The following DRC1 variants were observed in gnomAD, a reference collection of about 807,000 sequenced individuals.
DRC1 encodes the protein dynein regulatory complex protein 1.
DRC1 carries 74 observed loss-of-function variants against 98.7 expected under a neutral mutation model. The ratio of observed to expected loss-of-function variants is 0.75; its 90% CI spans 0.62 to 0.91. DRC1 has a LOEUF of 0.91. DRC1 is among the 40% of genes least tolerant of loss of function. The probability of loss-of-function intolerance (pLI) is 0.00; values close to 1 mark genes in which losing one functional copy is unlikely to be tolerated. For missense variants in DRC1, 875 were observed against 886.0 expected (o/e 0.99, Z 0.16); for synonymous variants, 336 against 334.1 (o/e 1.01, Z -0.06).
At chr2:26,435,396 C>T in intron 7 of DRC1, among the ~76,000 whole-genome samples, 1 of 152,198 alleles carries the variant, frequency 6.6e-6, no homozygotes, top group East Asian at 1.9e-4. Flanking sequence ...TAAGCACAGA[C>T]ATTTAACAAA....
chr2:26,431,877 C>T lies in DRC1; in HGVS notation c.766-7C>T, dbSNP rs373980754. On this transcript the variant is annotated splice_polypyrimidine_tract_variant and splice_region_variant and intron_variant, in intron 6 of 16. Transcript: ENST00000288710. ...CTAACTTTTCCCTTGTCTTCCTGTGCCTTTAGCTGGAGTATCTTAACAACC... is the reference window on the plus strand; with the variant it reads ...CTAACTTTTCCCTTGTCTTCCTGTGTCTTTAGCTGGAGTATCTTAACAACC... The T allele has an allele frequency of 8.1e-6, 13 of 1,613,318 alleles. No individual in the cohort carries two copies. The highest frequency in any genetic ancestry group is 1.1e-5 in the Non-Finnish European group (13 of 1,179,566).
chr2:26,431,606 C>A (rs186780679), intron 6 of DRC1, among the ~76,000 whole-genome samples: 2 of 151,310 alleles, frequency 1.3e-5, no homozygotes, highest in Non-Finnish European at 2.9e-5. Context: ...TGCGTAATTT[C>A]TTTTCTTTTT....
At chr2:26,427,793 T>C (rs967142064) in intron 4 of DRC1, among the ~76,000 whole-genome samples, 1 of 152,208 alleles carries the variant, frequency 6.6e-6, no homozygotes, top group African/African-American at 2.4e-5. Context: ...TTGTTTTAAT[T>C]TTTAGCTCCC....
At chr2:26,446,661 C>T (rs554394677) in intron 10 of DRC1, among the ~76,000 whole-genome samples, 56 of 152,252 alleles carry the variant, frequency 3.7e-4, no homozygotes, top group African/African-American at 1.3e-3. Context: ...CCCCACAGCA[C>T]CACAGAACTG....
intron 10 of DRC1, among the ~76,000 whole-genome samples, chr2:26,447,870 G>T (rs1004569055): frequency 6.6e-6 from 1 of 151,286 alleles, no homozygotes; most frequent in African/African-American, 2.4e-5. Flanking sequence ...CCTGGCCTAA[G>T]AAGTTAATTT....
In DRC1 at chr2:26,454,454, G is replaced by C. The variant is rs1012105468; in HGVS notation, c.1920-193G>C. Among the ~76,000 whole-genome samples, 5 of 152,184 alleles carry C rather than the reference G, an allele frequency of 3.3e-5. No homozygotes were observed. Among genetic ancestry groups the C allele is most frequent in the Non-Finnish European group, 7.3e-5 (5 of 68,040 alleles). On this transcript the variant is annotated intron_variant, in intron 14 of 16. Transcript: ENST00000288710. This position sits in a 1 kb window ranked among gnomAD's most constrained non-coding sequence, Gnocchi z 5.2. ...AAGCACGGATTATGCCCTCACGAAG[G>C]TACCGGTGGTACCGAGGCAGGAACG...
chr2:26,422,654 G>A (rs955518646), intron 3 of DRC1, among the ~76,000 whole-genome samples: 3 of 152,176 alleles, frequency 2.0e-5, no homozygotes, highest in Non-Finnish European at 4.4e-5. Flanking sequence ...GGTGGCCCAC[G>A]CATGTAATCC....
Position 26,454,882 on chromosome 2 carries a change from C to G in DRC1, c.2063+92C>G, listed in dbSNP as rs369779124. Reference sequence around the variant, plus strand: ...CCGCGTTTGCTGCCTCCCTGTCCCACTGAACCTGGGAGGGAAGAGCTGCCC... The same window carrying G: ...CCGCGTTTGCTGCCTCCCTGTCCCAGTGAACCTGGGAGGGAAGAGCTGCCC... On this transcript the variant is annotated intron_variant, in intron 15 of 16. Transcript: ENST00000288710. The surrounding 1 kb of genome is among the most constrained non-coding windows in gnomAD (Gnocchi z 5.2). 1.6e-4 allele frequency: 259 copies of G among 1,578,194 alleles called. 1 individual carries two copies. In the African/African-American group the frequency reaches 3.2e-3, roughly 19 times the overall value.
At chr2:26,421,590 C>G (rs1466778858) in intron 3 of DRC1, among the ~76,000 whole-genome samples, 190 bp downstream of exon 3, 1 of 118,018 alleles carries the variant, frequency 8.5e-6, no homozygotes, top group African/African-American at 3.1e-5. Context: ...GACAGAGTTT[C>G]GCTCTTGTTG....
chr2:26,426,405 C>T lies in DRC1; in HGVS notation c.540+1951C>T, dbSNP rs532769406. Among the ~76,000 whole-genome samples, 18 of 147,582 alleles carry T rather than the reference C, an allele frequency of 1.2e-4. No homozygotes were observed. In the East Asian group the frequency reaches 3.6e-3, roughly 29 times the overall value. On this transcript the variant is annotated intron_variant, in intron 4 of 16. Coordinates refer to ENST00000288710, the MANE Select transcript of DRC1 (RefSeq NM_145038.5). ...TTTTTGAGACTGAGTCTTGCTCTGT[C>T]GCCCAGGCTGGAGTGCAGTGGTTTG...
chr2:26,406,813 CT>C lies in DRC1; in HGVS notation c.155+4691del, dbSNP rs5830010. ...GACATTTCTGGGAGATGTCACTTTC[CT>C]TTTTTTTTTTTTTTTTTTTTTGAGA... On this transcript the variant is annotated intron_variant, in intron 1 of 16. Coordinates refer to ENST00000288710, the MANE Select transcript of DRC1 (RefSeq NM_145038.5). 3.8e-3 allele frequency among the ~76,000 whole-genome samples: 388 copies of C among 101,594 alleles called. 2 individuals carry two copies. The highest frequency in any genetic ancestry group is 6.2e-3 in the Middle Eastern group (1 of 162). 66.6% of individuals were successfully genotyped at this position (101,594 alleles called of 152,430 possible).
chr2:26,456,570 G>T lies in DRC1; in HGVS notation c.*53G>T. On this transcript the variant is annotated 3_prime_UTR_variant, in exon 17 of 17. Coordinates refer to ENST00000288710, the MANE Select transcript of DRC1 (RefSeq NM_145038.5). ...GGGCTGGCCTGATGCTGGTGTCTGT[G>T]CCGGAGCCAGCTCATATCACCCACT... The T allele has an allele frequency of 6.2e-7, 1 of 1,607,066 alleles. No individual in the cohort carries two copies. The highest frequency in any genetic ancestry group is 1.1e-5 in the South Asian group (1 of 90,700).
In DRC1 at chr2:26,429,611, T is replaced by C; in HGVS notation, c.541-17T>C. The C allele has an allele frequency of 6.2e-7, 1 of 1,612,732 alleles. No homozygotes were observed. Among genetic ancestry groups the C allele is most frequent in the African/African-American group, 1.3e-5 (1 of 75,028 alleles). On this transcript the variant is annotated splice_polypyrimidine_tract_variant and intron_variant, in intron 4 of 16. Coordinates refer to ENST00000288710, the MANE Select transcript of DRC1 (RefSeq NM_145038.5). ...CTGACACAGTTTGTGGCCAGACTTT[T>C]ACATGCTCTTTTCTAGGAGTTAAAA...
At chr2:26,417,031 A>G (rs1572357051) in intron 2 of DRC1, among the ~76,000 whole-genome samples, 1 of 152,108 alleles carries the variant, frequency 6.6e-6, no homozygotes, top group Non-Finnish European at 1.5e-5. Flanking sequence ...GCCAGATCTC[A>G]CGAGAACTCA....
chr2:26,452,404 C>T (rs1664029444), intron 13 of DRC1, among the ~76,000 whole-genome samples: 1 of 152,186 alleles, frequency 6.6e-6, no homozygotes, highest in African/African-American at 2.4e-5. Flanking sequence ...TGATTACAGG[C>T]ACCTGCCACC....
intron 7 of DRC1, among the ~76,000 whole-genome samples, chr2:26,434,218 A>G (rs1663509124): frequency 6.6e-6 from 1 of 152,212 alleles, no homozygotes; most frequent in African/African-American, 2.4e-5. Flanking sequence ...AAGTACAAGA[A>G]GTAAAAAAAA....
chr2:26,454,905 C>T lies in DRC1; in HGVS notation c.2063+115C>T. On this transcript the variant is annotated intron_variant, in intron 15 of 16. Coordinates refer to ENST00000288710, the MANE Select transcript of DRC1 (RefSeq NM_145038.5). This position sits in a 1 kb window ranked among gnomAD's most constrained non-coding sequence, Gnocchi z 5.2. ...CACTGAACCTGGGAGGGAAGAGCTGCCCTTGGCATCTCCTGTGTGGGTGGA... is the reference window on the plus strand; with the variant it reads ...CACTGAACCTGGGAGGGAAGAGCTGTCCTTGGCATCTCCTGTGTGGGTGGA... 11 of 1,530,678 alleles carry T rather than the reference C, an allele frequency of 7.2e-6. No homozygotes were observed. Among genetic ancestry groups the T allele is most frequent in the Non-Finnish European group, 7.1e-6 (8 of 1,121,816 alleles). 94.8% of individuals were successfully genotyped at this position (1,530,678 alleles called of 1,614,324 possible).
intron 4 of DRC1, among the ~76,000 whole-genome samples, chr2:26,425,441 A>C (rs1663259075): frequency 6.6e-6 from 1 of 152,200 alleles, no homozygotes; most frequent in African/African-American, 2.4e-5. Context: ...GTATACTTAA[A>C]AGCAGGATGG....
chr2:26,423,209 G>A (rs1663191251), intron 3 of DRC1, among the ~76,000 whole-genome samples: 1 of 152,154 alleles, frequency 6.6e-6, no homozygotes, highest in Admixed American at 6.5e-5. Flanking sequence ...GAGGAATGCT[G>A]AAGGTCCCAG....
Sources: allele counts gnomAD v4.1 joint callset (sites outside exome capture counted in the v4.1 genomes callset), GRCh38; gene constraint gnomAD v4.1.1; non-coding constraint Gnocchi (gnomAD v3.1); transcripts MANE v1.5; gene names NCBI Gene and HGNC (gene_info 2026-07-23, HGNC 2026-07-21).